ERFL: variants seen among roughly 807,000 people sequenced by gnomAD.
ERFL encodes ETS repressor factor like, also known as ETS domain-containing transcription factor ERF-like.
Under a neutral mutation model 27.9 loss-of-function variants are expected in ERFL, and 8 were observed. The ratio of observed to expected loss-of-function variants is 0.29; its 90% CI spans 0.17 to 0.52. The LOEUF is 0.52. Among genes scored for constraint, ERFL ranks in the 20% least tolerant of loss-of-function variants. The probability of loss-of-function intolerance (pLI) is 0.97; values close to 1 mark genes in which losing one functional copy is unlikely to be tolerated. For missense variants in ERFL, 294 were observed against 444.4 expected (o/e 0.66, Z 3.04); for synonymous variants, 174 against 202.8 (o/e 0.86, Z 1.21).
chr19:41,922,977 C>G (rs1284316477), intron 1 of ERFL: 1 of 367,642 alleles, frequency 2.7e-6, no homozygotes, highest in Non-Finnish European at 5.4e-6. Flanking sequence ...CTCCCACTGA[C>G]AGCCAGGTGA....
intron 1 of ERFL, among the ~76,000 whole-genome samples, chr19:41,922,466 G>A (rs2074848040): frequency 1.3e-5 from 2 of 152,198 alleles, no homozygotes. Flanking sequence ...CAGGGAATCG[G>A]ATGACAAGGA....
chr19:41,910,187 T>C lies in ERFL; in HGVS notation c.68-90A>G. On this transcript the variant is annotated intron_variant, in intron 2 of 5. Transcript: ENST00000597630. This position sits in a 1 kb window ranked among gnomAD's most constrained non-coding sequence, Gnocchi z 4.4. The stretch of plus-strand genomic sequence containing the variant: ...TGGACTCAGTAACCTGGGAGGCATG[T>C]AGTTCTCCTCCAGTCTCAGGCATCT... 7.9e-7 allele frequency: 1 copy of C among 1,266,434 alleles called. No homozygotes were observed. The allele number at this position is 1,266,434 out of a possible 1,614,324, so 78.4% of individuals were successfully genotyped here.
chr19:41,909,852 C>G lies in ERFL; in HGVS notation c.302+11G>C. ...GGACAAGGTGGGATCCAGCCCCAAGCCCTTCCTCACCGCAGGGCCCGGCTC... is the reference window on the plus strand; with the variant it reads ...GGACAAGGTGGGATCCAGCCCCAAGGCCTTCCTCACCGCAGGGCCCGGCTC... On this transcript the variant is annotated intron_variant, in intron 3 of 5. Transcript: ENST00000597630. The surrounding 1 kb of genome is among the most constrained non-coding windows in gnomAD (Gnocchi z 5.2). The G allele has an allele frequency of 6.2e-7, 1 of 1,600,568 alleles. No individual in the cohort carries two copies. Among genetic ancestry groups the G allele is most frequent in the South Asian group, 1.1e-5 (1 of 89,010 alleles).
chr19:41,914,211 C>T (rs1405845319), intron 1 of ERFL, among the ~76,000 whole-genome samples: 3 of 151,502 alleles, frequency 2.0e-5, no homozygotes, highest in Non-Finnish European at 4.4e-5. Flanking sequence ...GTCCCAGGCC[C>T]CCTCTGTTCC....
At chr19:41,913,129 C>A (rs1472129575) in intron 1 of ERFL, among the ~76,000 whole-genome samples, 197 bp from the exon 2 acceptor site, 1 of 152,036 alleles carries the variant, frequency 6.6e-6, no homozygotes, top group East Asian at 1.9e-4. Flanking sequence ...CCCCGAGACC[C>A]CGTTCCTTCC....
rs560893318 is a variant in ERFL at position 41,916,025 on chromosome 19, C to T, written c.-13-3093G>A. 1.6e-3 allele frequency among the ~76,000 whole-genome samples: 245 copies of T among 151,880 alleles called. No individual in the cohort carries two copies. Among genetic ancestry groups the T allele is most frequent in the African/African-American group, 5.7e-3 (235 of 41,408 alleles). On this transcript the variant is annotated intron_variant, in intron 1 of 5. Transcript: ENST00000597630. This position sits in a 1 kb window ranked among gnomAD's most constrained non-coding sequence, Gnocchi z 5.4. The stretch of plus-strand genomic sequence containing the variant: ...TATTTTGCTTCCTCCACCCCCCCTT[C>T]GCCCCCCATCTCTACCGCCCGCAGC...
At chr19:41,913,877 C>G (rs1555851508) in intron 1 of ERFL, among the ~76,000 whole-genome samples, 1 of 151,196 alleles carries the variant, frequency 6.6e-6, no homozygotes, top group Non-Finnish European at 1.5e-5. Context: ...TCCCGAGACC[C>G]CTCCCCTCAG....
chr19:41,918,686 C>T (rs1012161641), intron 1 of ERFL, among the ~76,000 whole-genome samples: 25 of 149,778 alleles, frequency 1.7e-4, no homozygotes, highest in African/African-American at 6.2e-4. Context: ...ACACCACACA[C>T]ACCACATATC....
At position 41,920,861 on chromosome 19, in the gene ERFL, G is replaced by A. The variant is rs138589846; in HGVS notation, c.-14+7179C>T. Among the ~76,000 whole-genome samples the A allele has an allele frequency of 5.2e-4, 79 of 152,358 alleles. 3 individuals carry two copies. In the East Asian group the frequency reaches 0.015, roughly 28 times the overall value. ...GTGGGGAGGCTCCAGGCCAGAGACA[G>A]AGAGGCCTGTGGGTGGGGCAGGGGT... On this transcript the variant is annotated intron_variant, in intron 1 of 5. Coordinates refer to ENST00000597630, the MANE Select transcript of ERFL (RefSeq NM_001365103.2).
rs894839192 is a variant in ERFL, at chr19:41,917,964, T to C, written c.-13-5032A>G. On this transcript the variant is annotated intron_variant, in intron 1 of 5. Coordinates refer to ENST00000597630, the MANE Select transcript of ERFL (RefSeq NM_001365103.2). This position sits in a 1 kb window ranked among gnomAD's most constrained non-coding sequence, Gnocchi z 4.8. ...CTCACACACCTGTCCGTCCAGACTA[T>C]AGCCACGTCCATGTGTACACAGAGC... Among the ~76,000 whole-genome samples, 25 of 151,862 alleles carry C rather than the reference T, an allele frequency of 1.6e-4. No homozygotes were observed. The highest frequency in any genetic ancestry group is 5.6e-4 in the African/African-American group (23 of 41,254).
Position 41,914,629 on chromosome 19 carries a change from G to GTCTCTCCCTCCCTTTCCACCA in ERFL, c.-13-1698_-13-1697insTGGTGGAAAGGGAGGGAGAGA, listed in dbSNP as rs2074779855. 1.4e-4 allele frequency among the ~76,000 whole-genome samples: 3 copies of GTCTCTCCCTCCCTTTCCACCA among 21,626 alleles called. 1 individual carries two copies. Among genetic ancestry groups the GTCTCTCCCTCCCTTTCCACCA allele is most frequent in the East Asian group, 1.4e-3 (1 of 730 alleles). The allele number at this position is 21,626 out of a possible 152,430, so 14.2% of individuals were successfully genotyped here. A position where few individuals can be genotyped will look rare whatever the true frequency, so the allele number is the denominator to read the frequency against. ...CTCTCCCTCCCCTTCCACCATCTCT[G>GTCTCTCCCTCCCTTTCCACCA]TCTCTGTCTCTCCCTCCCTTTCCAC... On this transcript the variant is annotated intron_variant, in intron 1 of 5. Transcript: ENST00000597630.
chr19:41,913,771 C>T (rs564375604), intron 1 of ERFL, among the ~76,000 whole-genome samples: 1 of 150,594 alleles, frequency 6.6e-6, no homozygotes, highest in Non-Finnish European at 1.5e-5. Context: ...AGTCTCCCCG[C>T]ACCTTTCCCC....
chr19:41,913,383 C>G (rs577473197), intron 1 of ERFL, among the ~76,000 whole-genome samples: 15 of 151,966 alleles, frequency 9.9e-5, no homozygotes, highest in Non-Finnish European at 2.1e-4. Context: ...CCCTCTGTCT[C>G]TCTCTCTGGC....
intron 1 of ERFL, among the ~76,000 whole-genome samples, chr19:41,914,490 C>T (rs2074774984): frequency 1.3e-5 from 2 of 151,646 alleles, no homozygotes; most frequent in South Asian, 4.2e-4. Context: ...CTCCATCTTC[C>T]CAGTGTGTCC....
At chr19:41,911,626 A>G (rs1394577508) in intron 2 of ERFL, among the ~76,000 whole-genome samples, 3 of 152,080 alleles carry the variant, frequency 2.0e-5, no homozygotes, top group African/African-American at 4.8e-5. Flanking sequence ...ATCTCCATTC[A>G]TTTTTGGGTC....
At chr19:41,914,574 C>CGTCTTTCCCTCCCCTTCCACCATCTCT in intron 1 of ERFL, among the ~76,000 whole-genome samples, 1 of 17,938 alleles carries the variant, frequency 5.6e-5, no homozygotes, top group African/African-American at 1.8e-4. Flanking sequence ...TCTCTGTCTC[C>CGTCTTTCCCTCCCCTTCCACCATCTCT]GTCTCTCCCT....
At chr19:41,914,291 C>T (rs901193484) in intron 1 of ERFL, among the ~76,000 whole-genome samples, 29 of 151,094 alleles carry the variant, frequency 1.9e-4, no homozygotes, top group Non-Finnish European at 3.4e-4. Flanking sequence ...TCTGTCTCTC[C>T]GGTCACTTGG....
chr19:41,909,828 G>A lies in ERFL; in HGVS notation c.302+35C>T. ...ACCAGAGGGACAGTTGGGGGAAAAGGACAAGGTGGGATCCAGCCCCAAGCC... is the reference window on the plus strand; with the variant it reads ...ACCAGAGGGACAGTTGGGGGAAAAGAACAAGGTGGGATCCAGCCCCAAGCC... On this transcript the variant is annotated intron_variant, in intron 3 of 5. Transcript: ENST00000597630. The surrounding 1 kb of genome is among the most constrained non-coding windows in gnomAD (Gnocchi z 5.2). 6.4e-7 allele frequency: 1 copy of A among 1,555,852 alleles called. No homozygotes were observed. The highest frequency in any genetic ancestry group is 8.7e-7 in the Non-Finnish European group (1 of 1,149,474).
chr19:41,914,608 C>G (rs540207776), intron 1 of ERFL, among the ~76,000 whole-genome samples: 2 of 55,560 alleles, frequency 3.6e-5, no homozygotes, highest in East Asian at 4.5e-4. Flanking sequence ...CTCTGTCTCT[C>G]CCTCCCCTTC....
Sources: allele counts gnomAD v4.1 joint callset (sites outside exome capture counted in the v4.1 genomes callset), GRCh38; gene constraint gnomAD v4.1.1; non-coding constraint Gnocchi (gnomAD v3.1); transcripts MANE v1.5; gene names NCBI Gene and HGNC (gene_info 2026-07-23, HGNC 2026-07-21).